SGCZ: variants seen among roughly 807,000 people sequenced by gnomAD.
SGCZ encodes the protein zeta-sarcoglycan.
A neutral mutation model predicts 41.3 loss-of-function variants in SGCZ; 40 were observed. That is an observed-to-expected ratio of 0.97 (90% CI 0.75 to 1.26). The LOEUF is 1.26. Among genes scored for constraint, SGCZ ranks in the 50% most tolerant of loss-of-function variants. The pLI is 0.00. For missense variants in SGCZ, 552 were observed against 369.8 expected, an observed-to-expected ratio of 1.49 and a Z score of -4.04; for synonymous variants, 206 against 137.5, an observed-to-expected ratio of 1.50 and a Z score of -3.49.
intron 3 of SGCZ, among the ~76,000 whole-genome samples, chr8:14,256,390 T>C (rs1799466062): frequency 6.6e-6 from 1 of 152,072 alleles, no homozygotes; most frequent in Non-Finnish European, 1.5e-5. Flanking sequence ...AAATGGAAGA[T>C]CCCTAGATGG....
intron 4 of SGCZ, among the ~76,000 whole-genome samples, chr8:14,209,475 T>A (rs1171476832): frequency 6.6e-6 from 1 of 152,098 alleles, no homozygotes; most frequent in South Asian, 2.1e-4. Context: ...CTTATGATAA[T>A]TACAGATCAG....
chr8:14,553,126 C>T (rs1023933713), intron 2 of SGCZ, among the ~76,000 whole-genome samples: 7 of 151,940 alleles, frequency 4.6e-5, no homozygotes, highest in East Asian at 3.9e-4. Context: ...TCCTACCATA[C>T]GATAAATGAC....
At chr8:14,605,829 T>C (rs972547002) in intron 1 of SGCZ, among the ~76,000 whole-genome samples, 2 of 152,130 alleles carry the variant, frequency 1.3e-5, no homozygotes, top group Non-Finnish European at 2.9e-5. Context: ...ATGTAGCAAA[T>C]AAAAAGGAAT....
chr8:14,131,749 G>T (rs1394908995), intron 5 of SGCZ, among the ~76,000 whole-genome samples: 1 of 152,132 alleles, frequency 6.6e-6, no homozygotes, highest in African/African-American at 2.4e-5. Flanking sequence ...GTCAGCAACA[G>T]ATAACATATA....
chr8:14,457,726 C>A (rs1002882026), intron 2 of SGCZ, among the ~76,000 whole-genome samples: 1 of 152,224 alleles, frequency 6.6e-6, no homozygotes, highest in Non-Finnish European at 1.5e-5. Context: ...TCTGCCTCGG[C>A]TGCCAGGCAG....
intron 2 of SGCZ, among the ~76,000 whole-genome samples, chr8:14,366,192 C>A (rs1312561452): frequency 6.6e-6 from 1 of 152,028 alleles, no homozygotes; most frequent in Non-Finnish European, 1.5e-5. Flanking sequence ...AACCAAAATA[C>A]CAGAGACTGG....
intron 1 of SGCZ, among the ~76,000 whole-genome samples, chr8:15,137,646 T>C (rs955751266): frequency 1.4e-5 from 2 of 146,358 alleles, no homozygotes; most frequent in African/African-American, 2.6e-5. Context: ...GAGGGTGCAA[T>C]CCCCAAGCCT....
chr8:14,097,158 G>C (rs773514084), intron 7 of SGCZ, among the ~76,000 whole-genome samples: 1 of 152,008 alleles, frequency 6.6e-6, no homozygotes, highest in Non-Finnish European at 1.5e-5. Flanking sequence ...GTTTGTTCTT[G>C]CTTCTCTGGT....
intron 5 of SGCZ, among the ~76,000 whole-genome samples, chr8:14,149,107 T>C (rs1213189408): frequency 6.6e-6 from 1 of 152,074 alleles, no homozygotes; most frequent in Non-Finnish European, 1.5e-5. Flanking sequence ...CTGAAAGCCT[T>C]TCCTCTGAGA....
intron 1 of SGCZ, among the ~76,000 whole-genome samples, chr8:14,626,380 C>T (rs1295179760): frequency 1.3e-5 from 2 of 151,966 alleles, no homozygotes; most frequent in African/African-American, 2.4e-5. Flanking sequence ...TGTTTAGTTC[C>T]CACTTTCTCT....
chr8:14,171,418 T>C (rs1034573724), intron 4 of SGCZ, among the ~76,000 whole-genome samples: 7 of 152,050 alleles, frequency 4.6e-5, no homozygotes, highest in Admixed American at 2.0e-4. Flanking sequence ...CTAAACTATA[T>C]GTAACATAAC....
chr8:14,278,023 T>C (rs1409116184), intron 3 of SGCZ, among the ~76,000 whole-genome samples: 6 of 152,186 alleles, frequency 3.9e-5, no homozygotes, highest in Admixed American at 6.5e-5. Context: ...TGGGAATTCA[T>C]CTGCCTAATA....
chr8:14,112,348 T>C (rs954547523), intron 5 of SGCZ, among the ~76,000 whole-genome samples: 7 of 150,922 alleles, frequency 4.6e-5, no homozygotes, highest in African/African-American at 1.7e-4. Context: ...AAAGAGCAAC[T>C]ACAAGAGGAA....
chr8:14,545,071 A>G (rs901578541), intron 2 of SGCZ, among the ~76,000 whole-genome samples: 1 of 152,122 alleles, frequency 6.6e-6, no homozygotes, highest in African/African-American at 2.4e-5. Context: ...GCCCAGCTGT[A>G]AAATTCCTCT....
At chr8:15,201,915 T>A (rs533540522) in intron 1 of SGCZ, among the ~76,000 whole-genome samples, 1 of 152,344 alleles carries the variant, frequency 6.6e-6, no homozygotes, top group East Asian at 1.9e-4. Context: ...ACAGTATTTT[T>A]AAATGTTTTC....
intron 6 of SGCZ, 32 bp downstream of exon 6, chr8:14,108,131 T>G: frequency 7.5e-6 from 12 of 1,599,920 alleles, no homozygotes; most frequent in Non-Finnish European, 1.0e-5. Flanking sequence ...AATGATGGAT[T>G]TTATGCCACA....
At chr8:14,879,583 C>T (rs1804500846) in intron 1 of SGCZ, among the ~76,000 whole-genome samples, 1 of 106,820 alleles carries the variant, frequency 9.4e-6, no homozygotes, top group South Asian at 2.9e-4. Flanking sequence ...GATACACACA[C>T]ACAGACACAC....
intron 2 of SGCZ, among the ~76,000 whole-genome samples, chr8:14,499,074 TTATTA>T (rs1279066153): frequency 6.6e-6 from 1 of 152,058 alleles, no homozygotes; most frequent in Admixed American, 6.6e-5. Context: ...TTTTGACCTC[TTATTA>T]TTTTATTTTA....
In SGCZ at chr8:14,243,175, T is replaced by C. The variant is rs533452617; in HGVS notation, c.337-5496A>G. Among the ~76,000 whole-genome samples the C allele has an allele frequency of 4.6e-5, 7 of 152,364 alleles. No individual in the cohort carries two copies. In the East Asian group the frequency reaches 1.3e-3, roughly 29 times the overall value. Reference sequence around the variant, plus strand: ...TGGTATTCTGAAAGAACATCACTAGTGACCTATTTTGTTCAGTGTAGATGA... The same window carrying C: ...TGGTATTCTGAAAGAACATCACTAGCGACCTATTTTGTTCAGTGTAGATGA... On this transcript the variant is annotated intron_variant, in intron 3 of 7. Coordinates refer to ENST00000382080, the MANE Select transcript of SGCZ (RefSeq NM_139167.4).
Sources: gnomAD v4.1 joint callset for allele counts (sites outside exome capture counted in the v4.1 genomes callset) on GRCh38, gnomAD v4.1.1 for gene constraint, MANE v1.5 for transcripts, NCBI Gene and HGNC (gene_info 2026-07-23, HGNC 2026-07-21) for gene names.